Variants in CLIC5 observed in about 807,000 individuals in gnomAD.
CLIC5 encodes the protein CLIC family member 5, also known as chloride intracellular channel protein 5.
A neutral mutation model predicts 24.7 loss-of-function variants in CLIC5; 20 were observed. The observed-to-expected ratio is 0.81, with a 90% CI of 0.57 to 1.18. The LOEUF is 1.18. Among genes scored for constraint, CLIC5 ranks in the 50% most tolerant of loss-of-function variants. The pLI, the probability that CLIC5 is intolerant of heterozygous loss-of-function variation, is 0.00. For synonymous variants in CLIC5, 159 were observed against 135.6 expected (o/e 1.17, Z -1.20); for missense variants, 341 against 326.1 (o/e 1.05, Z -0.35).
chr6:46,008,673 C>T (rs1387315055), intron 1 of CLIC5, among the ~76,000 whole-genome samples: 1 of 152,140 alleles, frequency 6.6e-6, no homozygotes, highest in Non-Finnish European at 1.5e-5. Flanking sequence ...CTATCTCCTT[C>T]ATGCATTGCC....
At chr6:46,125,060 A>C in the CLIC5 span, among the ~76,000 whole-genome samples, 1 of 152,230 alleles carries the variant, frequency 6.6e-6, no homozygotes, top group Non-Finnish European at 1.5e-5. Context: ...CATTTGACCC[A>C]GCCATCCCAT....
chr6:46,084,535 C>A (rs1762989747), upstream of CLIC5, among the ~76,000 whole-genome samples: 1 of 152,140 alleles, frequency 6.6e-6, no homozygotes, highest in African/African-American at 2.4e-5. Flanking sequence ...ACTTGTGAAG[C>A]TTAGTTTGGC....
chr6:46,001,781 C>T (rs1766368992), intron 1 of CLIC5, among the ~76,000 whole-genome samples: 1 of 152,164 alleles, frequency 6.6e-6, no homozygotes, highest in South Asian at 2.1e-4. Context: ...GAGCAAAACA[C>T]CTAACCTTTC....
intron 1 of CLIC5, among the ~76,000 whole-genome samples, chr6:46,025,752 T>G (rs1275481018): frequency 1.3e-5 from 2 of 152,162 alleles, no homozygotes; most frequent in African/African-American, 4.8e-5. Flanking sequence ...AATCACCACG[T>G]GTCAGGGGAG....
Position 45,914,278 on chromosome 6 carries a change from C to T in CLIC5, c.538G>A (p.Glu180Lys), listed in dbSNP as rs373545101. The T allele has an allele frequency of 1.2e-6, 2 of 1,610,540 alleles. No individual in the cohort carries two copies. Among genetic ancestry groups the T allele is most frequent in the African/African-American group, 2.7e-5 (2 of 75,020 alleles). Residue 180 changes from glutamate (E) to lysine (K), a missense_variant, in exon 5 of 6, where the codon GAG becomes AAG. By Grantham distance (56) the Glu-to-Lys change is moderately conservative (BLOSUM62 1). Coordinates refer to ENST00000339561, the MANE Select transcript of CLIC5 (RefSeq NM_016929.5). Reference sequence around the variant, plus strand: ...AGATTGCAGTCAGCCAGGGTCAGCTCATCCCCATCCAGGAACTTGCGCCGG... The same window carrying T: ...AGATTGCAGTCAGCCAGGGTCAGCTTATCCCCATCCAGGAACTTGCGCCGG... Reference protein sequence around the residue: ...GSRRKFLDGDELTLADCNLLP... With the variant: ...GSRRKFLDGDKLTLADCNLLP...
At chr6:46,041,823 G>A (rs1342844792) in intron 1 of CLIC5, among the ~76,000 whole-genome samples, 1 of 152,146 alleles carries the variant, frequency 6.6e-6, no homozygotes, top group East Asian at 1.9e-4. Flanking sequence ...TAAATGAGGG[G>A]CTCCAGGTAA....
chr6:46,091,999 C>T, the CLIC5 span, among the ~76,000 whole-genome samples: 2 of 152,202 alleles, frequency 1.3e-5, no homozygotes, highest in Non-Finnish European at 2.9e-5. Flanking sequence ...CCCCTTTTCT[C>T]CTCATCCTCA....
intron 1 of CLIC5, among the ~76,000 whole-genome samples, chr6:46,006,267 C>T (rs1253418580): frequency 6.6e-6 from 1 of 150,936 alleles, no homozygotes; most frequent in Non-Finnish European, 1.5e-5. Context: ...GCCTCAACTT[C>T]CTGAGTAGCT....
At chr6:46,099,326 A>G in the CLIC5 span, among the ~76,000 whole-genome samples, 3 of 152,236 alleles carry the variant, frequency 2.0e-5, no homozygotes, top group African/African-American at 7.2e-5. Flanking sequence ...AATTCTATCA[A>G]TGTAGCCCCC....
At chr6:45,887,577 G>A (rs1762316396) in intron 6 of CLIC5, among the ~76,000 whole-genome samples, 1 of 152,110 alleles carries the variant, frequency 6.6e-6, no homozygotes, top group South Asian at 2.1e-4. Flanking sequence ...AGTTTTTGGG[G>A]GGACACAATT....
chr6:45,906,322 T>C (rs1762657976), intron 5 of CLIC5, among the ~76,000 whole-genome samples: 1 of 152,220 alleles, frequency 6.6e-6, no homozygotes, highest in Admixed American at 6.5e-5. Flanking sequence ...ATTTTATCAA[T>C]ATTATTTCTT....
At position 46,063,447 on chromosome 6, in the gene CLIC5, GTC is replaced by G. The variant is rs138800663; in HGVS notation, c.540+16254_540+16255del. On this transcript the variant is annotated intron_variant, in intron 1 of 5. Coordinates refer to the CLIC5 transcript ENST00000185206. ...CACGGGACCCAAACACAGCCTGACAGTCTCTCTGAGTTGAGCAGACAATGGAG... is the reference window on the plus strand; with the variant it reads ...CACGGGACCCAAACACAGCCTGACAGTCTCTGAGTTGAGCAGACAATGGAG... Among the ~76,000 whole-genome samples the G allele has an allele frequency of 6.0e-3, 919 of 152,356 alleles. 9 individuals carry two copies. The highest frequency in any genetic ancestry group is 0.02 in the African/African-American group (848 of 41,582).
At chr6:46,002,569 C>A (rs1362751750) in intron 1 of CLIC5, among the ~76,000 whole-genome samples, 1 of 152,198 alleles carries the variant, frequency 6.6e-6, no homozygotes, top group Admixed American at 6.5e-5. Flanking sequence ...CTTCCCTCTG[C>A]CTACTGACCT....
chr6:45,944,839 A>C (rs1764240844), intron 3 of CLIC5, among the ~76,000 whole-genome samples: 1 of 152,196 alleles, frequency 6.6e-6, no homozygotes, highest in Non-Finnish European at 1.5e-5. Flanking sequence ...ATGGCAGCTT[A>C]AGTGTTTTCC....
At chr6:45,914,533 C>A (rs1762946705) in intron 4 of CLIC5, 124 bp from the exon 5 acceptor site, 2 of 1,294,540 alleles carry the variant, frequency 1.5e-6, no homozygotes, top group African/African-American at 1.5e-5. Flanking sequence ...CAGCTCCCCA[C>A]ACACTGCAGA....
chr6:45,909,706 G>T (rs1478375571), intron 5 of CLIC5, among the ~76,000 whole-genome samples: 4 of 152,250 alleles, frequency 2.6e-5, no homozygotes, highest in South Asian at 4.2e-4. Flanking sequence ...CTGCCTTTAA[G>T]ACTTTTTTCT....
At chr6:45,923,484 A>T (rs1763354768) in intron 4 of CLIC5, among the ~76,000 whole-genome samples, 2 of 152,262 alleles carry the variant, frequency 1.3e-5, no homozygotes, top group African/African-American at 4.8e-5. Context: ...GTGCCACTGC[A>T]ATGCTAGACT....
At chr6:45,927,554 C>T (rs75993857) in intron 4 of CLIC5, among the ~76,000 whole-genome samples, 3,260 of 152,282 alleles carry the variant, frequency 0.021, 120 homozygotes, top group African/African-American at 0.075. Flanking sequence ...ATCTTGCCTC[C>T]CCCCTTCTAC....
intron 1 of CLIC5, among the ~76,000 whole-genome samples, chr6:46,001,806 G>T (rs2145): frequency 6.6e-6 from 1 of 152,014 alleles, no homozygotes; most frequent in Admixed American, 6.5e-5. Flanking sequence ...GCCAGATTTC[G>T]CATGTAAAAC....
Sources: gnomAD v4.1 joint callset for allele counts (sites outside exome capture counted in the v4.1 genomes callset) on GRCh38, gnomAD v4.1.1 for gene constraint, MANE v1.5 for transcripts, NCBI Gene and HGNC (gene_info 2026-07-23, HGNC 2026-07-21) for gene names.